The following DNAH5 variants were observed in gnomAD, a reference collection of about 807,000 sequenced individuals.
DNAH5 encodes the protein dynein axonemal heavy chain 5.
A neutral mutation model predicts 518.2 loss-of-function variants in DNAH5; 372 were observed. The observed-to-expected ratio is 0.72, with a 90% CI of 0.66 to 0.78. The LOEUF is 0.78. Among genes scored for constraint, DNAH5 ranks in the 30% least tolerant of loss-of-function variants. The pLI is 0.00. For synonymous variants in DNAH5, 2,039 were observed against 2,025.9 expected (o/e 1.01, Z -0.17); for missense variants, 5,523 against 5,687.0 (o/e 0.97, Z 0.93).
chr5:13,905,469 G>T (rs985974725), intron 12 of DNAH5, among the ~76,000 whole-genome samples: 2 of 152,168 alleles, frequency 1.3e-5, no homozygotes, highest in African/African-American at 4.8e-5. Context: ...CTCCAGAACT[G>T]TAAGAAATAA....
Position 13,928,150 on chromosome 5 carries a change from A to G in DNAH5, c.221T>C (p.Val74Ala). The G allele has an allele frequency of 1.2e-6, 2 of 1,613,968 alleles. No homozygotes were observed. The highest frequency in any genetic ancestry group is 1.7e-6 in the Non-Finnish European group (2 of 1,179,866). Residue 74 changes from valine (V) to alanine (A), a missense_variant, in exon 3 of 79, where the codon GTT (valine) becomes GCT (alanine). Val to Ala is a moderately conservative substitution (Grantham distance 64, BLOSUM62 0). Around this residue, in one of 3 missense-constraint regions of DNAH5, gnomAD observed 5,121 missense variants for 5,223.3 expected, o/e 0.98. Transcript: ENST00000265104. ...AAACATGAGGTGTCGGAGACCTCCA[A>G]CAGCAAAAAGTTGATCAATTCTTTC... Reference protein sequence around the residue: ...QIERIDQLFAVGGLRHLMFYY... With the variant: ...QIERIDQLFAAGGLRHLMFYY...
intron 31 of DNAH5, among the ~76,000 whole-genome samples, chr5:13,847,319 A>G (rs1194958430): frequency 1.3e-5 from 2 of 150,142 alleles, no homozygotes; most frequent in Admixed American, 6.7e-5. Context: ...AGTTAAAAAA[A>G]AAAGTGTGAA....
In DNAH5 at chr5:13,901,338, C is replaced by G; in HGVS notation, c.1966G>C (p.Ala656Pro). 1 of 1,614,170 alleles carries G rather than the reference C, an allele frequency of 6.2e-7. No individual in the cohort carries two copies. Among genetic ancestry groups the G allele is most frequent in the Non-Finnish European group, 8.5e-7 (1 of 1,180,022 alleles). ...QHPAVLSTAE[A>P]KPIIRSYNRM... ...TTGTAACTGCGAATTATAGGTTTGG[C>G]TTCTGCCGTGCTTAGCACAGCTGGG... Residue 656 changes from alanine to proline, a missense_variant, in exon 14 of 79, where the codon GCC becomes CCC. Coordinates refer to ENST00000265104, the MANE Select transcript of DNAH5 (RefSeq NM_001369.3).
At chr5:13,944,198 A>T (rs1560984289) in intron 1 of DNAH5, among the ~76,000 whole-genome samples, 184 bp downstream of exon 1, 2 of 152,150 alleles carry the variant, frequency 1.3e-5, no homozygotes, top group African/African-American at 2.4e-5. Context: ...CAGATGCAAA[A>T]TTTTTTTTAT....
At chr5:13,942,235 A>G (rs1213268282) in intron 1 of DNAH5, among the ~76,000 whole-genome samples, 1 of 152,204 alleles carries the variant, frequency 6.6e-6, no homozygotes, top group East Asian at 1.9e-4. Context: ...TACTGGCATG[A>G]TATTTATGGA....
At chr5:13,919,530 C>A (rs1166112769) in intron 6 of DNAH5, 178 bp from the exon 7 acceptor site, 41 of 631,330 alleles carry the variant, frequency 6.5e-5, no homozygotes, top group Middle Eastern at 8.9e-4. Context: ...TTTAAAACTT[C>A]AACGAAAATC....
At chr5:13,778,280 T>C (rs958031777) in intron 53 of DNAH5, among the ~76,000 whole-genome samples, 3 of 151,710 alleles carry the variant, frequency 2.0e-5, no homozygotes, top group Non-Finnish European at 1.5e-5. Context: ...AGAAAACAAA[T>C]ACTTCTAAAA....
chr5:13,917,259 A>G lies in DNAH5; in HGVS notation c.976-3T>C. The G allele has an allele frequency of 1.9e-6, 3 of 1,611,256 alleles. No individual in the cohort carries two copies. Among genetic ancestry groups the G allele is most frequent in the Non-Finnish European group, 1.7e-6 (2 of 1,177,612 alleles). ...CGAATATCCATCTCCCGCCAAGTCT[A>G]AGCACAATAGGGAAAAGCAATTTTA... On this transcript the variant is annotated splice_polypyrimidine_tract_variant and splice_region_variant and intron_variant, in intron 7 of 78. Coordinates refer to ENST00000265104, the MANE Select transcript of DNAH5 (RefSeq NM_001369.3).
At chr5:13,919,094 T>C in intron 7 of DNAH5, 82 bp downstream of exon 7, 2 of 1,544,980 alleles carry the variant, frequency 1.3e-6, no homozygotes, top group South Asian at 1.1e-5. Flanking sequence ...CATTTTTTTG[T>C]TCCTAATCAC....
At chr5:13,722,258 G>A (rs1745154195) in intron 70 of DNAH5, among the ~76,000 whole-genome samples, 2 of 152,092 alleles carry the variant, frequency 1.3e-5, no homozygotes, top group Admixed American at 6.5e-5. Context: ...GCCAGAGCTG[G>A]TTCAGTCATT....
At chr5:13,924,756 G>T (rs1026077657) in intron 3 of DNAH5, among the ~76,000 whole-genome samples, 1 of 151,864 alleles carries the variant, frequency 6.6e-6, no homozygotes, top group South Asian at 2.1e-4. Context: ...AAAGTCCTTA[G>T]AAAAGCACAT....
chr5:13,710,377 C>T (rs537987033), intron 75 of DNAH5, among the ~76,000 whole-genome samples: 1 of 152,202 alleles, frequency 6.6e-6, no homozygotes, highest in African/African-American at 2.4e-5. Flanking sequence ...ACCAGAAAAC[C>T]AACTCTGGTA....
chr5:13,905,909 A>G (rs544164910), intron 12 of DNAH5, among the ~76,000 whole-genome samples: 5 of 152,368 alleles, frequency 3.3e-5, no homozygotes, highest in Non-Finnish European at 7.3e-5. Context: ...AAATTGTGGT[A>G]CATCACAACT....
intron 78 of DNAH5, among the ~76,000 whole-genome samples, chr5:13,699,390 T>C (rs1741779577): frequency 1.3e-5 from 2 of 152,156 alleles, no homozygotes; most frequent in African/African-American, 2.4e-5. Flanking sequence ...CTGGTAACTA[T>C]TAGACATCCA....
intron 1 of DNAH5, among the ~76,000 whole-genome samples, chr5:13,993,324 G>A (rs549870421): frequency 6.6e-6 from 1 of 152,234 alleles, no homozygotes; most frequent in South Asian, 2.1e-4. Flanking sequence ...TTCTCTTTAA[G>A]CAGGTGGAAC....
intron 75 of DNAH5, among the ~76,000 whole-genome samples, chr5:13,713,124 T>TATATATATATACACACAC: frequency 6.8e-6 from 1 of 146,618 alleles, no homozygotes; most frequent in African/African-American, 2.5e-5. Context: ...TATATATATA[T>TATATATATATACACACAC]ACACACACAC....
At chr5:13,861,144 T>C (rs184025273) in intron 29 of DNAH5, among the ~76,000 whole-genome samples, 34 of 152,254 alleles carry the variant, frequency 2.2e-4, no homozygotes, top group South Asian at 6.2e-4. Flanking sequence ...AAGAAAAGTT[T>C]CCCCACCCCA....
chr5:13,762,408 T>TCTTG (rs1291929068), intron 60 of DNAH5, among the ~76,000 whole-genome samples: 1 of 150,370 alleles, frequency 6.7e-6, no homozygotes, highest in East Asian at 1.9e-4. Context: ...TTGCAGCGTT[T>TCTTG]TTTGTTTGTT....
intron 76 of DNAH5, among the ~76,000 whole-genome samples, chr5:13,702,554 A>G (rs1742251491): frequency 6.6e-6 from 1 of 152,128 alleles, no homozygotes; most frequent in South Asian, 2.1e-4. Flanking sequence ...CTGGTTTGGT[A>G]GGGAAGGAAC....
Sources: gnomAD v4.1 joint callset for allele counts (sites outside exome capture counted in the v4.1 genomes callset) on GRCh38, gnomAD v4.1.1 for gene constraint, gnomAD v4.1.1 regional missense constraint, MANE v1.5 for transcripts, NCBI Gene and HGNC (gene_info 2026-07-23, HGNC 2026-07-21) for gene names.